TDRD15: variants seen among roughly 807,000 people sequenced by gnomAD.
The protein encoded by TDRD15 is tudor domain-containing protein 15.
For synonymous variants in TDRD15, 503 were observed against 314.5 expected (o/e 1.60, Z -6.34); for missense variants, 1,416 against 904.7 (o/e 1.57, Z -7.25).
At position 21,143,427 on chromosome 2, in the gene TDRD15, A is replaced by C. The variant is rs959009868; in HGVS notation, c.*155A>C. On this transcript the variant is annotated 3_prime_UTR_variant, in exon 4 of 4. Transcript: ENST00000405799. ...TCTTAAGGAAAATTCGTATTAGTAAAAGATCACATTCTAGAAATTTAACAG... is the reference window on the plus strand; with the variant it reads ...TCTTAAGGAAAATTCGTATTAGTAACAGATCACATTCTAGAAATTTAACAG... 6.6e-6 allele frequency among the ~76,000 whole-genome samples: 1 copy of C among 151,676 alleles called. No homozygotes were observed. Among genetic ancestry groups the C allele is most frequent in the African/African-American group, 2.4e-5 (1 of 41,420 alleles).
chr2:21,124,219 T>G (rs984735826), intron 1 of TDRD15, among the ~76,000 whole-genome samples, 173 bp downstream of exon 1: 2 of 152,156 alleles, frequency 1.3e-5, no homozygotes, highest in Admixed American at 1.3e-4. Flanking sequence ...CTACCTCTAA[T>G]GGCGGCGGCG....
rs767976463 is a variant in TDRD15, at chr2:21,140,729, G to A, written c.3262G>A (p.Val1088Ile). Residue 1088 changes from valine to isoleucine, a missense_variant, in exon 4 of 4, where the codon GTA (valine) becomes ATA (isoleucine). By Grantham distance (29) the Val-to-Ile change is conservative (BLOSUM62 3). Coordinates refer to ENST00000405799, the MANE Select transcript of TDRD15 (RefSeq NM_001306137.2). Reference protein sequence around the residue: ...IKCFLSDLRDVDIPAEISSWF... With the variant: ...IKCFLSDLRDIDIPAEISSWF... ...GTGTTTTTTGTCAGATCTTAGGGAT[G>A]TAGATATTCCAGCAGAAATCAGTAG... The A allele has an allele frequency of 4.2e-6, 3 of 714,014 alleles. No homozygotes were observed. Among genetic ancestry groups the A allele is most frequent in the Admixed American group, 2.0e-5 (1 of 49,732 alleles). The allele number at this position is 714,014 out of a possible 1,614,324, so 44.2% of individuals were successfully genotyped here. A position where few individuals can be genotyped will look rare whatever the true frequency, so the allele number is the denominator to read the frequency against.
In TDRD15 at chr2:21,138,150, A is replaced by T. The variant is rs1201492130; in HGVS notation, c.683A>T (p.His228Leu). 5 of 716,574 alleles carry T rather than the reference A, an allele frequency of 7.0e-6. No individual in the cohort carries two copies. The highest frequency in any genetic ancestry group is 1.3e-5 in the Non-Finnish European group (5 of 384,472). The allele number at this position is 716,574 out of a possible 1,614,324, so 44.4% of individuals were successfully genotyped here. A position where few individuals can be genotyped will look rare whatever the true frequency, so the allele number is the denominator to read the frequency against. Residue 228 changes from histidine to leucine, a missense_variant, in exon 4 of 4, where the codon CAT (histidine) becomes CTT (leucine). Coordinates refer to ENST00000405799, the MANE Select transcript of TDRD15 (RefSeq NM_001306137.2). ...GNKDTSLDIQ[H>L]VLDKLQPSLS... is the part of the protein sequence containing the mutation. Reference sequence around the variant, plus strand: ...AAAGATACTTCACTTGATATTCAGCATGTTCTGGATAAGTTGCAGCCATCT... The same window carrying T: ...AAAGATACTTCACTTGATATTCAGCTTGTTCTGGATAAGTTGCAGCCATCT...
intron 1 of TDRD15, among the ~76,000 whole-genome samples, chr2:21,126,835 T>C (rs1297219600): frequency 6.6e-6 from 1 of 152,224 alleles, no homozygotes; most frequent in Admixed American, 6.5e-5. Context: ...TACTCGGAAG[T>C]GGAATGACTG....
Position 21,141,184 on chromosome 2 carries a change from C to T in TDRD15, c.3717C>T (p.Val1239=), listed in dbSNP as rs973671377. The T allele has an allele frequency of 1.4e-6, 1 of 714,742 alleles. No individual in the cohort carries two copies. The highest frequency in any genetic ancestry group is 1.8e-5 in the African/African-American group (1 of 57,044). 44.3% of individuals were successfully genotyped at this position (714,742 alleles called of 1,614,324 possible). The change falls in exon 4 of 4, where the codon GTC becomes GTT. Residue 1239 remains valine (V), a synonymous_variant. Transcript: ENST00000405799. The stretch of plus-strand genomic sequence containing the variant: ...ATGGGCTTAAAGGTATAAAAATTGT[C>T]CCTGGAGCTGCACATATTCTTGAGA... ...LNDGLKGIKI[V]PGAAHILENR...
chr2:21,129,250 T>TAC (rs1374407155), intron 2 of TDRD15, among the ~76,000 whole-genome samples: 1 of 152,206 alleles, frequency 6.6e-6, no homozygotes, highest in Non-Finnish European at 1.5e-5. Context: ...TTGGTCTATA[T>TAC]CTAGTAATGG....
rs561630909 is a variant in TDRD15 at position 21,140,985 on chromosome 2, C to G, written c.3518C>G (p.Thr1173Arg). Residue 1173 changes from threonine to arginine, a missense_variant, in exon 4 of 4, where the codon ACA becomes AGA. By Grantham distance (71) the Thr-to-Arg change is moderately conservative. Coordinates refer to ENST00000405799, the MANE Select transcript of TDRD15 (RefSeq NM_001306137.2). ...KRFTTSLKGK[T>R]GNNYRHNVIN... is the part of the protein sequence containing the mutation. ...TTTACTACTTCTTTGAAAGGCAAAA[C>G]AGGAAACAACTATCGCCATAATGTG... is the stretch of plus-strand genomic sequence containing the variant. 2.8e-6 allele frequency: 2 copies of G among 713,962 alleles called. No homozygotes were observed. The highest frequency in any genetic ancestry group is 3.5e-5 in the African/African-American group (2 of 57,058). The allele number at this position is 713,962 out of a possible 1,614,324, so 44.2% of individuals were successfully genotyped here.
chr2:21,125,009 CTAA>C (rs1448218413), intron 1 of TDRD15, among the ~76,000 whole-genome samples: 2 of 138,396 alleles, frequency 1.4e-5, no homozygotes, highest in East Asian at 2.3e-4. Flanking sequence ...GAGAGAAATC[CTAA>C]TGTCAGGGTG....
rs144036616 is a variant in TDRD15, at chr2:21,126,830, G to A, written c.-200-771G>A. Among the ~76,000 whole-genome samples the A allele has an allele frequency of 6.2e-3, 938 of 152,236 alleles. 6 individuals carry two copies. The highest frequency in any genetic ancestry group is 1.0e-2 in the Non-Finnish European group (678 of 68,022). Reference sequence around the variant, plus strand: ...TTTCATTTATCTTGAGTAAATACTCGGAAGTGGAATGACTGGGTCATGTGG... The same window carrying A: ...TTTCATTTATCTTGAGTAAATACTCAGAAGTGGAATGACTGGGTCATGTGG... On this transcript the variant is annotated intron_variant, in intron 1 of 3. Transcript: ENST00000405799.
rs1206245553 is a variant in TDRD15 at position 21,141,146 on chromosome 2, A to G, written c.3679A>G (p.Thr1227Ala). Residue 1227 changes from threonine to alanine, a missense_variant, in exon 4 of 4, where the codon ACT (threonine) becomes GCT (alanine). Coordinates refer to ENST00000405799, the MANE Select transcript of TDRD15 (RefSeq NM_001306137.2). ...MEPVSKNKMK[T>A]SLNDGLKGIK... ...ACCTGTGTCAAAAAACAAAATGAAG[A>G]CTTCTTTGAATGATGGGCTTAAAGG... 2.8e-6 allele frequency: 2 copies of G among 713,600 alleles called. No homozygotes were observed. Among genetic ancestry groups the G allele is most frequent in the East Asian group, 2.7e-5 (1 of 37,270 alleles). The allele number at this position is 713,600 out of a possible 1,614,324, so 44.2% of individuals were successfully genotyped here. A position where few individuals can be genotyped will look rare whatever the true frequency, so the allele number is the denominator to read the frequency against.
At chr2:21,136,732 G>C (rs888256276) in intron 3 of TDRD15, among the ~76,000 whole-genome samples, 1 of 152,052 alleles carries the variant, frequency 6.6e-6, no homozygotes, top group Non-Finnish European at 1.5e-5. Flanking sequence ...AAAATCCACA[G>C]ATTAGCTATG....
chr2:21,142,791 C>T lies in TDRD15; in HGVS notation c.5324C>T (p.Thr1775Ile), dbSNP rs761678180. ...TCTGATCTACCAGAGACCTTACAAA[C>T]ATTGCCTCAGGAGTTCATAATTCCC... The part of the protein sequence containing the change: ...LLSDLPETLQ[T>I]LPQEFIIPGS... Residue 1775 changes from threonine (T) to isoleucine (I), a missense_variant, in exon 4 of 4, where the codon ACA (threonine) becomes ATA (isoleucine). By Grantham distance (89) the Thr-to-Ile change is moderately conservative. Transcript: ENST00000405799. The T allele has an allele frequency of 2.5e-5, 18 of 714,942 alleles. No homozygotes were observed. In the South Asian group the frequency reaches 2.7e-4, roughly 11 times the overall value. 44.3% of individuals were successfully genotyped at this position (714,942 alleles called of 1,614,324 possible).
Position 21,138,911 on chromosome 2 carries a change from G to T in TDRD15, c.1444G>T (p.Ala482Ser), listed in dbSNP as rs1172610410. 1 of 715,520 alleles carries T rather than the reference G, an allele frequency of 1.4e-6. No individual in the cohort carries two copies. The highest frequency in any genetic ancestry group is 1.5e-5 in the South Asian group (1 of 67,424). The allele number at this position is 715,520 out of a possible 1,614,324, so 44.3% of individuals were successfully genotyped here. ...PIKTVQMEIE[A>S]AYIAFIAYVL... ...TAAAACAGTACAAATGGAGATAGAG[G>T]CTGCCTACATAGCTTTTATAGCATA... Residue 482 changes from alanine to serine, a missense_variant, in exon 4 of 4, where the codon GCT (alanine) becomes TCT (serine). By Grantham distance (99) the Ala-to-Ser change is moderately conservative. Coordinates refer to ENST00000405799, the MANE Select transcript of TDRD15 (RefSeq NM_001306137.2).
chr2:21,141,485 T>A lies in TDRD15; in HGVS notation c.4018T>A (p.Ser1340Thr). The change falls in exon 4 of 4, where the codon TCA becomes ACA. Residue 1340 changes from serine (S) to threonine (T), a missense_variant. Ser to Thr is a moderately conservative substitution (Grantham distance 58). Coordinates refer to ENST00000405799, the MANE Select transcript of TDRD15 (RefSeq NM_001306137.2). ...ATARRLRERK[S>T]VKPLVGDLVV... ...AGCAAGGAGATTGAGAGAGAGAAAATCAGTTAAACCTCTAGTGGGAGATCT... is the reference window on the plus strand; with the variant it reads ...AGCAAGGAGATTGAGAGAGAGAAAAACAGTTAAACCTCTAGTGGGAGATCT... 1 of 714,722 alleles carries A rather than the reference T, an allele frequency of 1.4e-6. No individual in the cohort carries two copies. Among genetic ancestry groups the A allele is most frequent in the South Asian group, 1.5e-5 (1 of 67,326 alleles). The allele number at this position is 714,722 out of a possible 1,614,324, so 44.3% of individuals were successfully genotyped here.
At position 21,142,555 on chromosome 2, in the gene TDRD15, T is replaced by C. The variant is rs534874692; in HGVS notation, c.5088T>C (p.Val1696=). The C allele has an allele frequency of 2.8e-4, 198 of 707,868 alleles. 1 individual carries two copies. Among genetic ancestry groups the C allele is most frequent in the Middle Eastern group, 2.1e-3 (9 of 4,318 alleles). The allele number at this position is 707,868 out of a possible 1,614,324, so 43.8% of individuals were successfully genotyped here. ...LEYLNLNTVP[V]EENKLRLAEI... is the part of the protein sequence containing the mutation. ...ACTTAAATTTGAATACAGTTCCTGT[T>C]GAAGAAAACAAACTTAGACTTGCAG... is the stretch of plus-strand genomic sequence containing the variant. The change falls in exon 4 of 4, where the codon GTT becomes GTC. Residue 1696 remains valine (V), a synonymous_variant. Coordinates refer to ENST00000405799, the MANE Select transcript of TDRD15 (RefSeq NM_001306137.2).
rs1665994602 is a variant in TDRD15 at position 21,144,169 on chromosome 2, TAA to T, written c.*898_*899del. 6.6e-6 allele frequency among the ~76,000 whole-genome samples: 1 copy of T among 151,804 alleles called. No individual in the cohort carries two copies. The highest frequency in any genetic ancestry group is 2.1e-4 in the South Asian group (1 of 4,830). ...ATAAACTGACTAGCATATTTTCTCT[TAA>T]GTCTTTTAAATGTCAAACTGATACT... On this transcript the variant is annotated 3_prime_UTR_variant, in exon 4 of 4. Coordinates refer to ENST00000405799, the MANE Select transcript of TDRD15 (RefSeq NM_001306137.2).
Position 21,143,448 on chromosome 2 carries a change from A to T in TDRD15, c.*176A>T, listed in dbSNP as rs936526415. 3.3e-5 allele frequency among the ~76,000 whole-genome samples: 5 copies of T among 151,644 alleles called. No individual in the cohort carries two copies. Among genetic ancestry groups the T allele is most frequent in the Non-Finnish European group, 7.4e-5 (5 of 67,658 alleles). ...GTAAAAGATCACATTCTAGAAATTT[A>T]ACAGTGAGAAAGAAAGTTGGTAGTG... On this transcript the variant is annotated 3_prime_UTR_variant, in exon 4 of 4. Coordinates refer to ENST00000405799, the MANE Select transcript of TDRD15 (RefSeq NM_001306137.2).
At chr2:21,124,724 T>TAATGCCA (rs1665547349) in intron 1 of TDRD15, among the ~76,000 whole-genome samples, 1 of 142,784 alleles carries the variant, frequency 7.0e-6, no homozygotes, top group African/African-American at 2.6e-5. Context: ...AGAGTGATCC[T>TAATGCCA]AATGCCAGGG....
intron 2 of TDRD15, among the ~76,000 whole-genome samples, chr2:21,134,449 A>T (rs1190290035): frequency 6.6e-6 from 1 of 152,004 alleles, no homozygotes; most frequent in Admixed American, 6.6e-5. Flanking sequence ...TGGATCATGT[A>T]TGATTTTGGA....
Sources: gnomAD v4.1 joint callset for allele counts (sites outside exome capture counted in the v4.1 genomes callset) on GRCh38, gnomAD v4.1.1 for gene constraint, MANE v1.5 for transcripts, NCBI Gene and HGNC (gene_info 2026-07-23, HGNC 2026-07-21) for gene names.